MYL6: variants seen among roughly 807,000 people sequenced by gnomAD.
MYL6 encodes the protein myosin light chain 6, also known as myosin light polypeptide 6.
Under a neutral mutation model 20.3 loss-of-function variants are expected in MYL6, and 20 were observed. The observed-to-expected ratio is 0.98, with a 90% CI of 0.69 to 1.43. MYL6 has a LOEUF of 1.43. MYL6 is among the 40% of genes most tolerant of loss of function. The pLI is 0.00. For synonymous variants in MYL6, 77 were observed against 72.4 expected, an observed-to-expected ratio of 1.06 and a Z score of -0.32; for missense variants, 164 against 191.0, an observed-to-expected ratio of 0.86 and a Z score of 0.83.
intron 3 of MYL6, 49 bp from the exon 4 acceptor site, chr12:56,159,926 G>T: frequency 1.3e-6 from 2 of 1,576,922 alleles, no homozygotes; most frequent in African/African-American, 1.4e-5. Context: ...CCTGTCCTGA[G>T]AACTTGTGTT....
chr12:56,158,839 T>C, intron 2 of MYL6, 128 bp downstream of exon 2: 1 of 1,522,260 alleles, frequency 6.6e-7, no homozygotes, highest in Non-Finnish European at 8.8e-7. Flanking sequence ...TGGATTATTT[T>C]CTCTTCTTCT....
At chr12:56,158,823 A>G (rs1592259703) in intron 2 of MYL6, 112 bp downstream of exon 2, 7 of 1,541,042 alleles carry the variant, frequency 4.5e-6, no homozygotes, top group South Asian at 1.2e-5. Flanking sequence ...CCATGAGATT[A>G]CCCCCTGGAT....
In MYL6 at chr12:56,160,647, CG is replaced by C. The variant is rs1565884339; in HGVS notation, c.453del (p.Ter152AspfsTer13). ...NYEAFVRHIL[S>X]G ...GCAGCGTTTGTGAGGCATATCCTGT[CG>C]GGGTGACGGGCCCATGGGGCGGGTA... On this transcript the variant is annotated frameshift_variant, in exon 6 of 7. Transcript: ENST00000550697. LOFTEE classifies it high-confidence loss of function. 2.5e-6 allele frequency: 4 copies of C among 1,614,150 alleles called. No homozygotes were observed. In the Admixed American group the frequency reaches 6.7e-5, roughly 27 times the overall value.
chr12:56,159,312 G>C, intron 2 of MYL6: 1 of 425,182 alleles, frequency 2.4e-6, no homozygotes, highest in Non-Finnish European at 4.2e-6. Flanking sequence ...GCCCTGAGAA[G>C]TGTAGTAGCA....
intron 2 of MYL6, chr12:56,159,369 T>C (rs1592260222): frequency 1.8e-6 from 1 of 558,680 alleles, no homozygotes; most frequent in East Asian, 3.2e-5. Context: ...GTTGTGTAAA[T>C]GGATGTTACC....
chr12:56,159,592 AAGG>A lies in MYL6; in HGVS notation c.41_43del (p.Glu14del). On this transcript the variant is annotated inframe_deletion, in exon 3 of 7. Transcript: ENST00000550697. ...ACATTCATCTGAATCCTCAGAGTTC[AAGG>A]AGGCCTTCCAGCTGTTTGACCGAAC... 6.2e-7 allele frequency: 1 copy of A among 1,613,286 alleles called. No individual in the cohort carries two copies. The highest frequency in any genetic ancestry group is 8.5e-7 in the Non-Finnish European group (1 of 1,179,772).
intron 1 of MYL6, 72 bp downstream of exon 1, chr12:56,158,476 A>G (rs1592259185): frequency 6.4e-7 from 1 of 1,566,202 alleles, no homozygotes; most frequent in Non-Finnish European, 8.7e-7. Context: ...GGGGGCGAGG[A>G]GAAGGCAGGG....
In MYL6 at chr12:56,161,563, T is replaced by C. The variant is rs1216809341; in HGVS notation, c.*193T>C. On this transcript the variant is annotated 3_prime_UTR_variant, in exon 7 of 7. Transcript: ENST00000550697. ...TGCCGTCAGCATTCACCAAATAAAC[T>C]TGCTCTCTGGGCCCTCGGTTCGGTT... The C allele has an allele frequency of 1.0e-6, 1 of 1,000,214 alleles. No individual in the cohort carries two copies. The highest frequency in any genetic ancestry group is 1.6e-6 in the Non-Finnish European group (1 of 636,354). 62.0% of individuals were successfully genotyped at this position (1,000,214 alleles called of 1,614,324 possible).
chr12:56,159,643 A>G lies in MYL6; in HGVS notation c.88A>G (p.Ser30Gly). The change falls in exon 3 of 7, where the codon AGC becomes GGC. Residue 30 changes from serine (S) to glycine (G), a missense_variant. Coordinates refer to ENST00000550697, the MANE Select transcript of MYL6 (RefSeq NM_021019.5). ...DRTGDGKILY[S>G]QCGDVMRALG... ...AACAGGTGATGGCAAGATCCTGTAC[A>G]GCCAGTGTGGGGATGTGATGAGGGC... 6.2e-7 allele frequency: 1 copy of G among 1,614,166 alleles called. No homozygotes were observed. Among genetic ancestry groups the G allele is most frequent in the Non-Finnish European group, 8.5e-7 (1 of 1,180,002 alleles).
chr12:56,159,694 G>T lies in MYL6; in HGVS notation c.139G>T (p.Glu47Ter). 6.2e-7 allele frequency: 1 copy of T among 1,614,170 alleles called. No individual in the cohort carries two copies. The highest frequency in any genetic ancestry group is 8.5e-7 in the Non-Finnish European group (1 of 1,180,016). ...CCTGGGCCAGAACCCTACCAACGCC[G>T]AGGTGCTCAAGGTCCTGGGGAACCC... ...RALGQNPTNA[E>*]VLKVLGNPKS... Residue 47 changes from glutamate (E) to a stop codon, truncating the protein, a stop_gained, in exon 3 of 7, where the codon GAG (glutamate) becomes TAG (stop). Coordinates refer to ENST00000550697, the MANE Select transcript of MYL6 (RefSeq NM_021019.5). LOFTEE classifies it high-confidence loss of function.
chr12:56,158,387 A>G lies in MYL6; in HGVS notation c.-15A>G, dbSNP rs757513540. 1.3e-6 allele frequency: 2 copies of G among 1,521,040 alleles called. No individual in the cohort carries two copies. Among genetic ancestry groups the G allele is most frequent in the Non-Finnish European group, 1.8e-6 (2 of 1,137,672 alleles). 94.2% of individuals were successfully genotyped at this position (1,521,040 alleles called of 1,614,324 possible). A position where few individuals can be genotyped will look rare whatever the true frequency, so the allele number is the denominator to read the frequency against. On this transcript the variant is annotated 5_prime_UTR_variant, in exon 1 of 7. Transcript: ENST00000550697. ...ATTACTGCAGGAAAAGGTCCCGGAG[A>G]GCTGAGCAGTCAAGATGGTGGGGCC...
intron 3 of MYL6, 28 bp downstream of exon 3, chr12:56,159,758 G>C: frequency 6.2e-7 from 1 of 1,608,818 alleles, no homozygotes; most frequent in Admixed American, 1.7e-5. Flanking sequence ...CAACTCCTCA[G>C]TGTGGTCATG....
chr12:56,159,652 G>C lies in MYL6; in HGVS notation c.97G>C (p.Gly33Arg). ...TGGCAAGATCCTGTACAGCCAGTGT[G>C]GGGATGTGATGAGGGCCCTGGGCCA... ...GDGKILYSQC[G>R]DVMRALGQNP... Residue 33 changes from glycine (G) to arginine (R), a missense_variant, in exon 3 of 7, where the codon GGG becomes CGG. Transcript: ENST00000550697. 6.2e-7 allele frequency: 1 copy of C among 1,614,192 alleles called. No homozygotes were observed. Among genetic ancestry groups the C allele is most frequent in the Non-Finnish European group, 8.5e-7 (1 of 1,180,016 alleles).
chr12:56,160,306 G>A lies in MYL6; in HGVS notation c.413G>A (p.Cys138Tyr), dbSNP rs368868979. The A allele has an allele frequency of 6.2e-7, 1 of 1,614,106 alleles. No individual in the cohort carries two copies. The highest frequency in any genetic ancestry group is 1.3e-5 in the African/African-American group (1 of 74,936). The change falls in exon 5 of 7, where the codon TGT becomes TAT. Residue 138 changes from cysteine (C) to tyrosine (Y), a missense_variant. Physicochemically the swap from Cys to Tyr is radical, Grantham distance 194. Coordinates refer to ENST00000550697, the MANE Select transcript of MYL6 (RefSeq NM_021019.5). ...LVAGHEDSNG[C>Y]INYEAFVRHI... is the part of the protein sequence containing the mutation. ...GCAGGGCATGAGGACAGCAATGGTT[G>A]TATCAACTATGAAGGTAAGAGGTGA...
In MYL6 at chr12:56,159,694, G is replaced by A. The variant is rs1178703756; in HGVS notation, c.139G>A (p.Glu47Lys). ...RALGQNPTNA[E>K]VLKVLGNPKS... ...CCTGGGCCAGAACCCTACCAACGCC[G>A]AGGTGCTCAAGGTCCTGGGGAACCC... is the stretch of plus-strand genomic sequence containing the variant. Residue 47 changes from glutamate (E) to lysine (K), a missense_variant, in exon 3 of 7, where the codon GAG becomes AAG. By Grantham distance (56) the Glu-to-Lys change is moderately conservative. Coordinates refer to ENST00000550697, the MANE Select transcript of MYL6 (RefSeq NM_021019.5). 12 of 1,614,052 alleles carry A rather than the reference G, an allele frequency of 7.4e-6. No homozygotes were observed. Among genetic ancestry groups the A allele is most frequent in the Admixed American group, 1.7e-5 (1 of 59,996 alleles).
At chr12:56,158,970 C>T (rs1279442334) in intron 2 of MYL6, 4 of 1,389,112 alleles carry the variant, frequency 2.9e-6, no homozygotes, top group Non-Finnish European at 3.7e-6. Flanking sequence ...CACTTAATGC[C>T]TGCTGTGTGT....
intron 1 of MYL6, 53 bp from the exon 2 acceptor site, chr12:56,158,631 A>C: frequency 6.2e-7 from 1 of 1,613,562 alleles, no homozygotes; most frequent in Non-Finnish European, 8.5e-7. Flanking sequence ...GCTGGGATAG[A>C]AACTCGGGGG....
At position 56,161,477 on chromosome 12, in the gene MYL6, A is replaced by C. The variant is rs184768954; in HGVS notation, c.*107A>C. 43 of 1,577,338 alleles carry C rather than the reference A, an allele frequency of 2.7e-5. No individual in the cohort carries two copies. The highest frequency in any genetic ancestry group is 3.5e-5 in the Non-Finnish European group (40 of 1,146,880). On this transcript the variant is annotated 3_prime_UTR_variant, in exon 7 of 7. Coordinates refer to ENST00000550697, the MANE Select transcript of MYL6 (RefSeq NM_021019.5). ...CTGTGTGAATTTTGTATCTAGCCTA[A>C]AGTTTCCCTAGGCTTTCTTGTCTCA... is the stretch of plus-strand genomic sequence containing the variant.
At chr12:56,159,163 A>G in intron 2 of MYL6, 1 of 300,534 alleles carries the variant, frequency 3.3e-6, no homozygotes, top group Non-Finnish European at 6.2e-6. Flanking sequence ...TGCTAAGGAT[A>G]TGACTGTAGC....
Sources: allele counts gnomAD v4.1 joint callset, GRCh38; gene constraint gnomAD v4.1.1; transcripts MANE v1.5; gene names NCBI Gene and HGNC (gene_info 2026-07-23, HGNC 2026-07-21).